Variants in KCNK2 observed in about 807,000 individuals in gnomAD.
KCNK2 encodes potassium channel subfamily K member 2.
Under a neutral mutation model 40.5 loss-of-function variants are expected in KCNK2, and 21 were observed. The observed-to-expected ratio is 0.52, with a 90% CI of 0.37 to 0.75. The LOEUF is 0.75. KCNK2 is among the 30% of genes least tolerant of loss of function. The probability of loss-of-function intolerance (pLI) is 0.00; values close to 1 mark genes in which losing one functional copy is unlikely to be tolerated. For missense variants in KCNK2, 399 were observed against 531.6 expected (o/e 0.75, Z 2.45); for synonymous variants, 191 against 202.2 (o/e 0.94, Z 0.47).
chr1:215,123,010 C>T (rs914732481), intron 2 of KCNK2, among the ~76,000 whole-genome samples: 2 of 151,978 alleles, frequency 1.3e-5, no homozygotes, highest in African/African-American at 4.8e-5. Context: ...TTCCAAAGTG[C>T]TGGGATTACA....
intron 1 of KCNK2, among the ~76,000 whole-genome samples, chr1:215,066,575 C>T (rs1310806140): frequency 6.6e-6 from 1 of 152,134 alleles, no homozygotes; most frequent in Non-Finnish European, 1.5e-5. Flanking sequence ...TGGTGTGGCT[C>T]TTTGGACCAG....
chr1:215,133,215 T>C (rs2102591654), intron 3 of KCNK2, among the ~76,000 whole-genome samples: 1 of 152,278 alleles, frequency 6.6e-6, no homozygotes, highest in South Asian at 2.1e-4. Context: ...TTTCACCCAT[T>C]CCTGAATAAT....
intron 2 of KCNK2, among the ~76,000 whole-genome samples, chr1:215,092,354 A>T (rs543335797): frequency 1.8e-4 from 28 of 152,240 alleles, no homozygotes; most frequent in African/African-American, 6.7e-4. Context: ...GCATAATGTC[A>T]GGAGCTTAGC....
intron 1 of KCNK2, among the ~76,000 whole-genome samples, chr1:215,028,002 G>T (rs1040197126): frequency 2.0e-5 from 3 of 151,994 alleles, no homozygotes; most frequent in Non-Finnish European, 4.4e-5. Flanking sequence ...GTGTGTGGTT[G>T]TCTCATTTCT....
intron 3 of KCNK2, among the ~76,000 whole-genome samples, chr1:215,155,864 C>T (rs1662896831): frequency 6.6e-6 from 1 of 152,150 alleles, no homozygotes; most frequent in African/African-American, 2.4e-5. Flanking sequence ...CACTGTATTT[C>T]ACTAAGTTTT....
intron 1 of KCNK2, among the ~76,000 whole-genome samples, chr1:215,064,343 G>A (rs1160167034): frequency 6.6e-6 from 1 of 151,976 alleles, no homozygotes; most frequent in South Asian, 2.1e-4. Context: ...GTGTGTGTGT[G>A]TACGTGTTTT....
intron 6 of KCNK2, among the ~76,000 whole-genome samples, chr1:215,209,479 T>TAC (rs1665518704): frequency 1.5e-4 from 1 of 6,810 alleles, no homozygotes; most frequent in African/African-American, 5.8e-4. Context: ...ATATATATTA[T>TAC]ATATAATACA....
intron 1 of KCNK2, among the ~76,000 whole-genome samples, chr1:215,075,494 C>T (rs1037627074): frequency 1.3e-5 from 2 of 152,084 alleles, no homozygotes; most frequent in African/African-American, 2.4e-5. Flanking sequence ...TCCATGATGA[C>T]GAGGATTTGT....
chr1:215,078,584 G>T (rs1243392785), upstream of KCNK2, among the ~76,000 whole-genome samples: 1 of 152,010 alleles, frequency 6.6e-6, no homozygotes, highest in Non-Finnish European at 1.5e-5. Flanking sequence ...AACAGCATGG[G>T]GGAAACTGCC....
chr1:215,141,464 G>C (rs970267104), intron 3 of KCNK2, among the ~76,000 whole-genome samples: 1 of 152,102 alleles, frequency 6.6e-6, no homozygotes, highest in African/African-American at 2.4e-5. Context: ...GACTGCTGTT[G>C]TATATGTGGT....
chr1:215,155,978 G>A (rs1193077028), intron 3 of KCNK2, among the ~76,000 whole-genome samples: 1 of 151,986 alleles, frequency 6.6e-6, no homozygotes, highest in African/African-American at 2.4e-5. Context: ...AGTTAATAAG[G>A]AAGTACTCAT....
At chr1:215,084,479 A>T (rs1659342907) in intron 1 of KCNK2, among the ~76,000 whole-genome samples, 1 of 152,198 alleles carries the variant, frequency 6.6e-6, no homozygotes. Flanking sequence ...TGTTCCAAAG[A>T]TGGCTAAATT....
intron 1 of KCNK2, among the ~76,000 whole-genome samples, chr1:215,031,240 C>G (rs1017103027): frequency 6.6e-6 from 1 of 152,154 alleles, no homozygotes; most frequent in Non-Finnish European, 1.5e-5. Flanking sequence ...ACCATATAAA[C>G]TTAAGCATCA....
chr1:215,022,136 T>TATCTATCTATCTAATC lies in KCNK2; in HGVS notation c.34+16190_34+16191insTCTAATCATCTATCTA, dbSNP rs145045839. ...CTATCTATCTATCTATCTAATCATC[T>TATCTATCTATCTAATC]ATCTATCTAATCCATCTATCTATCC... On this transcript the variant is annotated intron_variant, in intron 1 of 6. Transcript: ENST00000391895. Among the ~76,000 whole-genome samples, 763 of 151,122 alleles carry TATCTATCTATCTAATC rather than the reference T, an allele frequency of 5.0e-3. 8 individuals carry two copies. Among genetic ancestry groups the TATCTATCTATCTAATC allele is most frequent in the South Asian group, 0.031 (147 of 4,758 alleles).
chr1:215,032,211 C>A (rs564069041), intron 1 of KCNK2, among the ~76,000 whole-genome samples: 28 of 151,592 alleles, frequency 1.8e-4, no homozygotes, highest in African/African-American at 6.3e-4. Context: ...AGTTTGAGAC[C>A]TGCCTGGGCA....
chr1:215,181,779 C>T (rs532622524), intron 5 of KCNK2, among the ~76,000 whole-genome samples: 35 of 152,204 alleles, frequency 2.3e-4, no homozygotes, highest in Non-Finnish European at 3.1e-4. Flanking sequence ...CCTTTTTTAA[C>T]GGGAATATCT....
At position 215,235,041 on chromosome 1, in the gene KCNK2, A is replaced by G; in HGVS notation, c.1177A>G (p.Arg393Gly). 1 of 1,613,976 alleles carries G rather than the reference A, an allele frequency of 6.2e-7. No homozygotes were observed. Among genetic ancestry groups the G allele is most frequent in the South Asian group, 1.1e-5 (1 of 91,078 alleles). Residue 393 changes from arginine to glycine, a missense_variant, in exon 7 of 7, where the codon AGG becomes GGG. Arg to Gly is a moderately radical substitution (Grantham distance 125). This residue lies in a region of KCNK2 where 103 missense variants were observed against 124.3 expected (regional missense o/e 0.83). Coordinates refer to ENST00000444842, the MANE Select transcript of KCNK2 (RefSeq NM_001017425.3). The stretch of plus-strand genomic sequence containing the variant: ...GTCAGTGAACCACCTGACCAGCGAG[A>G]GGGATGTCTTGCCTCCCTTACTGAA... Reference protein sequence around the residue: ...TLSVNHLTSERDVLPPLLKTE... With the variant: ...TLSVNHLTSEGDVLPPLLKTE...
intron 6 of KCNK2, among the ~76,000 whole-genome samples, chr1:215,222,474 G>A (rs10864162): frequency 1.3e-5 from 2 of 151,888 alleles, no homozygotes; most frequent in East Asian, 3.9e-4. Flanking sequence ...TTAGAAGAAA[G>A]ATATTATTTA....
chr1:215,231,533 C>A (rs1666667433), intron 6 of KCNK2, among the ~76,000 whole-genome samples: 1 of 151,912 alleles, frequency 6.6e-6, no homozygotes, highest in African/African-American at 2.4e-5. Context: ...TGGTTTCCTC[C>A]ACTTCACAGG....
Sources: gnomAD v4.1 joint callset for allele counts (sites outside exome capture counted in the v4.1 genomes callset) on GRCh38, gnomAD v4.1.1 for gene constraint, gnomAD v4.1.1 regional missense constraint, MANE v1.5 for transcripts, NCBI Gene and HGNC (gene_info 2026-07-23, HGNC 2026-07-21) for gene names.